The following EYS variants were observed in gnomAD, a reference collection of about 807,000 sequenced individuals.
EYS encodes the protein protein eyes shut homolog.
Under a neutral mutation model 282.1 loss-of-function variants are expected in EYS, and 250 were observed. The observed-to-expected ratio is 0.89, with a 90% confidence interval of 0.80 to 0.98. The LOEUF (loss-of-function observed/expected upper bound fraction) is 0.98. EYS is among the 50% of genes least tolerant of loss of function. EYS has a pLI of 0.00. For missense variants in EYS, 4,016 were observed against 3,709.0 expected (o/e 1.08, Z -2.15); for synonymous variants, 1,355 against 1,282.9 (o/e 1.06, Z -1.20).
intron 2 of EYS, among the ~76,000 whole-genome samples, chr6:65,537,244 G>A (rs1477422088): frequency 2.6e-5 from 4 of 152,098 alleles, no homozygotes; most frequent in Admixed American, 2.6e-4. Flanking sequence ...AATACCTAAT[G>A]TAGATGATGG....
chr6:64,561,919 CAAAAAA>C (rs57111776), intron 26 of EYS, among the ~76,000 whole-genome samples: 5 of 87,168 alleles, frequency 5.7e-5, no homozygotes, highest in Admixed American at 1.3e-4. Flanking sequence ...CACATGGAAC[CAAAAAA>C]AAAAAAAAAA....
chr6:63,847,425 C>A (rs1190671871), intron 36 of EYS, among the ~76,000 whole-genome samples: 1 of 152,114 alleles, frequency 6.6e-6, no homozygotes, highest in Non-Finnish European at 1.5e-5. Flanking sequence ...TTTCTCTCCT[C>A]CTTGCCATCC....
intron 26 of EYS, among the ~76,000 whole-genome samples, chr6:64,567,002 T>G (rs1387442377): frequency 2.0e-5 from 3 of 152,142 alleles, no homozygotes; most frequent in South Asian, 2.1e-4. Context: ...CTTGAACTCC[T>G]GACCTCAGGT....
At chr6:65,318,335 C>T (rs1394467365) in intron 11 of EYS, among the ~76,000 whole-genome samples, 1 of 151,574 alleles carries the variant, frequency 6.6e-6, no homozygotes, top group Non-Finnish European at 1.5e-5. Context: ...GAGAGCTCAA[C>T]GTGGAAATTA....
At chr6:65,268,814 T>A (rs77413615) in intron 12 of EYS, among the ~76,000 whole-genome samples, 1,532 of 150,954 alleles carry the variant, frequency 0.01, 10 homozygotes, top group East Asian at 0.028. Flanking sequence ...AGTTTTTTTT[T>A]AAAAAAAAGA....
intron 5 of EYS, among the ~76,000 whole-genome samples, chr6:65,415,473 A>G (rs1414884644): frequency 6.6e-6 from 1 of 152,092 alleles, no homozygotes; most frequent in East Asian, 1.9e-4. Context: ...ATATTTGTGA[A>G]CAGATGGGAT....
At chr6:64,027,971 T>G (rs1394463194) in intron 33 of EYS, among the ~76,000 whole-genome samples, 1 of 152,208 alleles carries the variant, frequency 6.6e-6, no homozygotes, top group Admixed American at 6.5e-5. Context: ...CAAGGTCCAT[T>G]ACCATCTGAG....
At chr6:64,751,062 A>G (rs1011740863) in intron 22 of EYS, among the ~76,000 whole-genome samples, 1 of 151,972 alleles carries the variant, frequency 6.6e-6, no homozygotes, top group Non-Finnish European at 1.5e-5. Context: ...GGCAGTTTTC[A>G]TGCTACAAGC....
chr6:65,526,278 A>G (rs1055675613), intron 2 of EYS, among the ~76,000 whole-genome samples: 6 of 152,192 alleles, frequency 3.9e-5, no homozygotes, highest in Non-Finnish European at 8.8e-5. Flanking sequence ...AATACATGAT[A>G]TTTACAGAAA....
At chr6:64,023,195 C>A (rs1406326584) in intron 33 of EYS, among the ~76,000 whole-genome samples, 1 of 152,204 alleles carries the variant, frequency 6.6e-6, no homozygotes, top group Non-Finnish European at 1.5e-5. Flanking sequence ...AACTTCATTT[C>A]TTCTTAGGTC....
intron 36 of EYS, among the ~76,000 whole-genome samples, chr6:63,848,128 T>C (rs939576343): frequency 1.3e-5 from 2 of 152,124 alleles, no homozygotes; most frequent in African/African-American, 4.8e-5. Flanking sequence ...CATAAATGAA[T>C]ACATTTCCAT....
chr6:63,977,275 G>A (rs1042489827), intron 35 of EYS, among the ~76,000 whole-genome samples: 3 of 151,748 alleles, frequency 2.0e-5, no homozygotes, highest in Non-Finnish European at 4.4e-5. Flanking sequence ...CACTTCAAAC[G>A]TTTATAATTT....
At chr6:65,082,522 C>CA (rs1211591668) in intron 12 of EYS, among the ~76,000 whole-genome samples, 2 of 151,934 alleles carry the variant, frequency 1.3e-5, no homozygotes, top group South Asian at 2.1e-4. Flanking sequence ...GCTGTTTTAG[C>CA]AAAAATCATA....
chr6:65,238,862 T>A (rs1766989716), intron 12 of EYS, among the ~76,000 whole-genome samples: 1 of 129,410 alleles, frequency 7.7e-6, no homozygotes, highest in South Asian at 2.2e-4. Context: ...TTTGGTAACA[T>A]AACTGAAGAT....
chr6:65,440,953 A>AT (rs1444825152), intron 5 of EYS, among the ~76,000 whole-genome samples: 1 of 147,040 alleles, frequency 6.8e-6, no homozygotes, highest in African/African-American at 2.5e-5. Flanking sequence ...ATATGTATAT[A>AT]AATATATATA....
Position 65,471,229 on chromosome 6 carries a change from C to CAAAAAA in EYS, c.862+19359_862+19364dup, listed in dbSNP as rs527251318. ...GCAACATAGTGAGACCTCATCTTTA[C>CAAAAAA]AAAAAAAAAAAAAAAAAAAAATTGT... is the stretch of plus-strand genomic sequence containing the variant. On this transcript the variant is annotated intron_variant, in intron 5 of 42. Transcript: ENST00000503581. Among the ~76,000 whole-genome samples, 78 of 96,710 alleles carry CAAAAAA rather than the reference C, an allele frequency of 8.1e-4. 1 individual carries two copies. Among genetic ancestry groups the CAAAAAA allele is most frequent in the South Asian group, 2.7e-3 (7 of 2,590 alleles). The allele number at this position is 96,710 out of a possible 152,430, so 63.4% of individuals were successfully genotyped here.
At chr6:64,663,140 C>A (rs1769104262) in intron 22 of EYS, among the ~76,000 whole-genome samples, 1 of 152,106 alleles carries the variant, frequency 6.6e-6, no homozygotes, top group South Asian at 2.1e-4. Context: ...TAGAATTAGA[C>A]TTCCCAATGT....
intron 28 of EYS, among the ~76,000 whole-genome samples, chr6:64,432,104 A>C (rs1307437335): frequency 6.6e-6 from 1 of 152,120 alleles, no homozygotes; most frequent in Non-Finnish European, 1.5e-5. Context: ...ATAATTAAAG[A>C]TGTTCTCATT....
At chr6:64,364,185 A>C (rs562496236) in intron 29 of EYS, among the ~76,000 whole-genome samples, 1 of 151,996 alleles carries the variant, frequency 6.6e-6, no homozygotes, top group African/African-American at 2.4e-5. Context: ...ATTCCATAAA[A>C]AATTCTCCAT....
Sources: allele counts gnomAD v4.1 joint callset (sites outside exome capture counted in the v4.1 genomes callset), GRCh38; gene constraint gnomAD v4.1.1; transcripts MANE v1.5; gene names NCBI Gene and HGNC (gene_info 2026-07-23, HGNC 2026-07-21).